The following TET2 variants were observed in gnomAD, a reference collection of about 807,000 sequenced individuals.
TET2 encodes the protein tet methylcytosine dioxygenase 2, also known as methylcytosine dioxygenase TET2.
In TET2, 299 loss-of-function variants were observed where a neutral mutation model predicts 142.9. The observed-to-expected ratio is 2.09, with a 90% CI of 1.90 to 2.30. The LOEUF is 2.30. Ranked by LOEUF, TET2 falls within the 30% of genes most tolerant of loss-of-function variation. The pLI is 0.00. For missense variants in TET2, 2,418 were observed against 2,378.0 expected (o/e 1.02, Z -0.35); for synonymous variants, 819 against 849.0 (o/e 0.96, Z 0.61).
At position 105,234,081 on chromosome 4, in the gene TET2, G is replaced by A; in HGVS notation, c.139G>A (p.Glu47Lys). ...GSPLPERAHP[E>K]VNGDTKWHSF... Reference sequence around the variant, plus strand: ...CCCACTGCCTGAGAGAGCTCATCCAGAAGTAAATGGAGACACCAAGTGGCA... The same window carrying A: ...CCCACTGCCTGAGAGAGCTCATCCAAAAGTAAATGGAGACACCAAGTGGCA... Residue 47 changes from glutamate (E) to lysine (K), a missense_variant, in exon 3 of 11, where the codon GAA becomes AAA. Glu to Lys is a moderately conservative substitution (Grantham distance 56). Coordinates refer to ENST00000380013, the MANE Select transcript of TET2 (RefSeq NM_001127208.3). The A allele has an allele frequency of 6.2e-7, 1 of 1,614,056 alleles. No homozygotes were observed. The highest frequency in any genetic ancestry group is 1.6e-4 in the Middle Eastern group (1 of 6,062).
chr4:105,266,366 C>G (rs540409350), intron 8 of TET2, among the ~76,000 whole-genome samples: 1 of 151,726 alleles, frequency 6.6e-6, no homozygotes, highest in South Asian at 2.1e-4. Flanking sequence ...AATCTACCAA[C>G]AAGGTAAAAT....
chr4:105,243,485 TA>T, intron 5 of TET2, 84 bp from the exon 6 acceptor site: 1 of 1,169,120 alleles, frequency 8.6e-7, no homozygotes, highest in Non-Finnish European at 1.2e-6. Flanking sequence ...TATACATACA[TA>T]AGTGCCCTTA....
At chr4:105,246,711 T>C (rs1448996672) in intron 6 of TET2, among the ~76,000 whole-genome samples, 1 of 152,324 alleles carries the variant, frequency 6.6e-6, no homozygotes, top group East Asian at 1.9e-4. Flanking sequence ...GAACAGAGAA[T>C]AGAATAATCT....
chr4:105,229,153 C>A (rs80320565), intron 2 of TET2, among the ~76,000 whole-genome samples: 1 of 152,000 alleles, frequency 6.6e-6, no homozygotes, highest in African/African-American at 2.4e-5. Context: ...TTCATAGATA[C>A]CACATCTCAA....
chr4:105,181,014 C>T (rs560585604), intron 1 of TET2, among the ~76,000 whole-genome samples: 1 of 152,236 alleles, frequency 6.6e-6, no homozygotes, highest in South Asian at 2.1e-4. Context: ...TATGTACTGT[C>T]CTAGTTTAAT....
At chr4:105,246,593 C>T (rs1415359271) in intron 6 of TET2, among the ~76,000 whole-genome samples, 4 of 152,158 alleles carry the variant, frequency 2.6e-5, no homozygotes, top group Non-Finnish European at 5.9e-5. Flanking sequence ...GACACGTATC[C>T]AATGTCAATA....
chr4:105,217,029 A>G (rs1333158008), intron 2 of TET2, among the ~76,000 whole-genome samples: 1 of 152,044 alleles, frequency 6.6e-6, no homozygotes, highest in East Asian at 1.9e-4. Flanking sequence ...TTTTGAGTTT[A>G]CAATTTTTTT....
chr4:105,181,722 C>T (rs1725133150), intron 1 of TET2, among the ~76,000 whole-genome samples: 1 of 152,164 alleles, frequency 6.6e-6, no homozygotes, highest in Admixed American at 6.5e-5. Flanking sequence ...GTAGCCCCTT[C>T]TAGGAAATCG....
intron 8 of TET2, among the ~76,000 whole-genome samples, chr4:105,265,848 A>G (rs1378220631): frequency 6.6e-6 from 1 of 152,150 alleles, no homozygotes; most frequent in Non-Finnish European, 1.5e-5. Flanking sequence ...GAACCTATAA[A>G]TACCCCAGTT....
At chr4:105,261,906 A>AT in intron 8 of TET2, 58 bp downstream of exon 8, 3 of 973,876 alleles carry the variant, frequency 3.1e-6, no homozygotes, top group Non-Finnish European at 4.6e-6. Flanking sequence ...CTAATGACCT[A>AT]TGTCCAAAAA....
chr4:105,203,887 A>G (rs1480979775), intron 2 of TET2, among the ~76,000 whole-genome samples: 2 of 152,048 alleles, frequency 1.3e-5, no homozygotes, highest in African/African-American at 4.8e-5. Context: ...TAATGTTTCT[A>G]AAGGATGTTA....
At chr4:105,167,992 T>C (rs1724253053) in intron 1 of TET2, among the ~76,000 whole-genome samples, 1 of 152,194 alleles carries the variant, frequency 6.6e-6, no homozygotes, top group African/African-American at 2.4e-5. Flanking sequence ...ACCTGTAAAG[T>C]ATATTCAGGA....
intron 2 of TET2, among the ~76,000 whole-genome samples, chr4:105,199,256 A>T (rs1371761372): frequency 2.0e-5 from 3 of 152,158 alleles, no homozygotes; most frequent in Non-Finnish European, 4.4e-5. Flanking sequence ...AATTGCCTGG[A>T]TACTGCACAT....
chr4:105,151,026 A>G (rs1022552022), intron 1 of TET2, among the ~76,000 whole-genome samples: 1 of 152,222 alleles, frequency 6.6e-6, no homozygotes, highest in African/African-American at 2.4e-5. Context: ...TCCATTCCAA[A>G]TAACAAATTT....
At chr4:105,266,193 G>A (rs1279897919) in intron 8 of TET2, among the ~76,000 whole-genome samples, 1 of 152,158 alleles carries the variant, frequency 6.6e-6, no homozygotes, top group East Asian at 1.9e-4. Flanking sequence ...ATACCAGCCA[G>A]ACGGAGAAGA....
rs1400844169 is a variant in TET2 at position 105,277,947 on chromosome 4, G to A, written c.*1428G>A. On this transcript the variant is annotated 3_prime_UTR_variant, in exon 11 of 11. Transcript: ENST00000380013. ...GCTTAAGTGTCCTCTTTAACAAGAGGATTGAGCAGACTGATGCCTGCATAA... is the reference window on the plus strand; with the variant it reads ...GCTTAAGTGTCCTCTTTAACAAGAGAATTGAGCAGACTGATGCCTGCATAA... 4.7e-6 allele frequency: 1 copy of A among 214,806 alleles called. No homozygotes were observed. The highest frequency in any genetic ancestry group is 2.3e-5 in the African/African-American group (1 of 44,200). 13.3% of individuals were successfully genotyped at this position (214,806 alleles called of 1,614,324 possible). A position where few individuals can be genotyped will look rare whatever the true frequency, so the allele number is the denominator to read the frequency against.
rs749710391 is a variant in TET2, at chr4:105,234,309, C to G, written c.367C>G (p.Arg123Gly). 5.6e-6 allele frequency: 9 copies of G among 1,613,958 alleles called. No individual in the cohort carries two copies. The highest frequency in any genetic ancestry group is 2.2e-5 in the South Asian group (2 of 91,084). ...AGACCAAAAGGCTAATGGAGAAAGA[C>G]GTAACTTCGGGGTAAGCCAAGAAAG... is the stretch of plus-strand genomic sequence containing the variant. ...KQDQKANGER[R>G]NFGVSQERNP... Residue 123 changes from arginine to glycine, a missense_variant, in exon 3 of 11, where the codon CGT becomes GGT. By Grantham distance (125) the Arg-to-Gly change is moderately radical. Coordinates refer to ENST00000380013, the MANE Select transcript of TET2 (RefSeq NM_001127208.3).
chr4:105,198,097 G>A (rs1726195720), intron 2 of TET2, among the ~76,000 whole-genome samples: 1 of 152,158 alleles, frequency 6.6e-6, no homozygotes, highest in Non-Finnish European at 1.5e-5. Flanking sequence ...AGCAATTTGG[G>A]AGGCCGAGGC....
Position 105,236,016 on chromosome 4 carries a change from GAA to G in TET2, c.2078_2079del (p.Lys693ThrfsTer18). 1 of 1,614,082 alleles carries G rather than the reference GAA, an allele frequency of 6.2e-7. No individual in the cohort carries two copies. Among genetic ancestry groups the G allele is most frequent in the Non-Finnish European group, 8.5e-7 (1 of 1,180,014 alleles). ...TCAACAAAGAGCAGATTCCCAAACT[GAA>G]AAACTTATGTCCCCAGTGTTGAAAC... ...HFQQRADSQT[E>X]KLMSPVLKQH... On this transcript the variant is annotated frameshift_variant, in exon 3 of 11. Coordinates refer to ENST00000380013, the MANE Select transcript of TET2 (RefSeq NM_001127208.3). LOFTEE classifies it high-confidence loss of function.
Sources: gnomAD v4.1 joint callset for allele counts (sites outside exome capture counted in the v4.1 genomes callset) on GRCh38, gnomAD v4.1.1 for gene constraint, MANE v1.5 for transcripts, NCBI Gene and HGNC (gene_info 2026-07-23, HGNC 2026-07-21) for gene names.